DLG2: variants seen among roughly 807,000 people sequenced by gnomAD.
DLG2 encodes discs large MAGUK scaffold protein 2, also known as disks large homolog 2.
Under a neutral mutation model 132.5 loss-of-function variants are expected in DLG2, and 45 were observed. The observed-to-expected ratio is 0.34, with a 90% confidence interval of 0.27 to 0.44. DLG2 has a LOEUF of 0.44. Ranked by LOEUF, DLG2 falls within the 20% of genes least tolerant of loss-of-function variation. The pLI is 1.00. For missense variants in DLG2, 1,045 were observed against 1,196.9 expected (o/e 0.87, Z 1.87); for synonymous variants, 424 against 419.6 (o/e 1.01, Z -0.13).
intron 3 of DLG2, among the ~76,000 whole-genome samples, chr11:85,311,474 C>T (rs577766019): frequency 3.2e-4 from 49 of 152,230 alleles, no homozygotes; most frequent in African/African-American, 1.1e-3. Flanking sequence ...GTTGAAGACT[C>T]CATCCTATAA....
intron 19 of DLG2, among the ~76,000 whole-genome samples, chr11:83,618,088 A>G (rs1462468033): frequency 6.6e-6 from 1 of 152,118 alleles, no homozygotes; most frequent in Non-Finnish European, 1.5e-5. Flanking sequence ...ATGAGTTTTG[A>G]ATTTTATTGA....
chr11:84,119,400 C>T (rs1014798712), intron 9 of DLG2, among the ~76,000 whole-genome samples: 8 of 151,386 alleles, frequency 5.3e-5, no homozygotes, highest in South Asian at 2.1e-4. Context: ...TGCAGATGAG[C>T]GTTTTAGTTC....
chr11:83,752,557 G>A (rs2093372569), intron 18 of DLG2, among the ~76,000 whole-genome samples: 1 of 152,192 alleles, frequency 6.6e-6, no homozygotes, highest in Non-Finnish European at 1.5e-5. Flanking sequence ...TAAAAATTTT[G>A]GTGAGTGGTG....
intron 5 of DLG2, among the ~76,000 whole-genome samples, chr11:85,122,849 T>TAA (rs1254570018): frequency 4.8e-5 from 7 of 147,178 alleles, no homozygotes; most frequent in African/African-American, 1.8e-4. Flanking sequence ...CACACACACA[T>TAA]AAATGCACAC....
intron 3 of DLG2, among the ~76,000 whole-genome samples, chr11:85,549,957 C>T (rs993866646): frequency 4.5e-4 from 69 of 152,204 alleles, no homozygotes; most frequent in African/African-American, 1.6e-3. Context: ...AATAATCCAT[C>T]CCTTGTCTAC....
chr11:84,872,873 A>G (rs2085697937), intron 6 of DLG2, among the ~76,000 whole-genome samples: 1 of 152,238 alleles, frequency 6.6e-6, no homozygotes, highest in African/African-American at 2.4e-5. Context: ...CGATACATAC[A>G]TGGCTTTTTA....
intron 8 of DLG2, among the ~76,000 whole-genome samples, chr11:84,214,167 T>C (rs2096797087): frequency 7.2e-6 from 1 of 138,364 alleles, no homozygotes; most frequent in African/African-American, 3.2e-5. Context: ...AGTTCAGCTA[T>C]CAATTCAGAG....
At chr11:84,935,011 T>C (rs2048573549) in intron 6 of DLG2, among the ~76,000 whole-genome samples, 1 of 152,172 alleles carries the variant, frequency 6.6e-6, no homozygotes, top group Non-Finnish European at 1.5e-5. Flanking sequence ...AAACTTCCTC[T>C]TCCTCCTCTC....
intron 3 of DLG2, among the ~76,000 whole-genome samples, chr11:85,350,482 C>A (rs919468418): frequency 2.6e-5 from 4 of 152,040 alleles, no homozygotes; most frequent in South Asian, 2.1e-4. Context: ...AAGTCCTTGC[C>A]CATGCCTATG....
intron 6 of DLG2, among the ~76,000 whole-genome samples, chr11:84,708,926 T>C (rs1297064127): frequency 2.6e-5 from 4 of 151,936 alleles, no homozygotes; most frequent in African/African-American, 2.4e-5. Flanking sequence ...AGTTTACTAA[T>C]ATTTAAAACA....
chr11:85,591,123 C>A (rs991297011), intron 3 of DLG2, among the ~76,000 whole-genome samples: 1 of 152,154 alleles, frequency 6.6e-6, no homozygotes, highest in African/African-American at 2.4e-5. Flanking sequence ...GGCATCCAAT[C>A]CAAAGTGTCT....
intron 7 of DLG2, among the ~76,000 whole-genome samples, chr11:84,308,175 G>A (rs901337781): frequency 6.6e-6 from 1 of 152,116 alleles, no homozygotes; most frequent in African/African-American, 2.4e-5. Context: ...ACAGAGAGCC[G>A]AGTGGTCTGT....
chr11:85,025,799 G>C (rs2060465372), intron 6 of DLG2, among the ~76,000 whole-genome samples: 1 of 151,954 alleles, frequency 6.6e-6, no homozygotes, highest in Non-Finnish European at 1.5e-5. Context: ...GAGTATATCA[G>C]TGGAACAAAG....
intron 3 of DLG2, among the ~76,000 whole-genome samples, chr11:85,556,301 T>C (rs1337078855): frequency 1.3e-5 from 2 of 151,922 alleles, no homozygotes; most frequent in African/African-American, 4.8e-5. Context: ...CCCTCCCTCC[T>C]CTGTTAATGC....
intron 18 of DLG2, among the ~76,000 whole-genome samples, chr11:83,724,044 C>G (rs1303706836): frequency 6.6e-6 from 1 of 152,120 alleles, no homozygotes; most frequent in African/African-American, 2.4e-5. Context: ...TAAAAATTAT[C>G]CTTTCCAGTT....
At chr11:85,533,979 T>C (rs2075395252) in intron 3 of DLG2, among the ~76,000 whole-genome samples, 1 of 152,136 alleles carries the variant, frequency 6.6e-6, no homozygotes, top group African/African-American at 2.4e-5. Flanking sequence ...TGCTCTCTGG[T>C]TTTTTGTTTT....
intron 26 of DLG2, among the ~76,000 whole-genome samples, chr11:83,466,438 A>T (rs1435329698): frequency 6.6e-6 from 1 of 152,208 alleles, no homozygotes. Flanking sequence ...CCGTGAAGTA[A>T]AACAATAAAA....
At chr11:84,851,551 A>G (rs962267422) in intron 6 of DLG2, among the ~76,000 whole-genome samples, 4 of 152,056 alleles carry the variant, frequency 2.6e-5, no homozygotes, top group Admixed American at 2.0e-4. Flanking sequence ...TCAGTCTTAC[A>G]TGAGCAATGC....
intron 15 of DLG2, among the ~76,000 whole-genome samples, chr11:83,889,639 G>A (rs1011070218): frequency 1.3e-5 from 2 of 152,104 alleles, no homozygotes; most frequent in Non-Finnish European, 2.9e-5. Context: ...AAATCATGCT[G>A]CTATAAAGAC....
Sources: gnomAD v4.1 joint callset for allele counts (sites outside exome capture counted in the v4.1 genomes callset) on GRCh38, gnomAD v4.1.1 for gene constraint, MANE v1.5 for transcripts, NCBI Gene and HGNC (gene_info 2026-07-23, HGNC 2026-07-21) for gene names.